Variants in AFAP1 observed in about 807,000 individuals in gnomAD.
AFAP1 encodes actin filament associated protein 1.
AFAP1 carries 75 observed loss-of-function variants against 93.9 expected under a neutral mutation model. That is an observed-to-expected ratio of 0.80 (90% CI 0.66 to 0.97). The LOEUF is 0.97. Ranked by LOEUF, AFAP1 falls within the 50% of genes least tolerant of loss-of-function variation. The pLI is 0.00. For synonymous variants in AFAP1, 517 were observed against 430.7 expected (o/e 1.20, Z -2.48); for missense variants, 1,201 against 1,050.8 (o/e 1.14, Z -1.98).
At position 7,786,294 on chromosome 4, in the gene AFAP1, A is replaced by G. The variant is rs1208704120; in HGVS notation, c.1430T>C (p.Val477Ala). 6.2e-7 allele frequency: 1 copy of G among 1,614,084 alleles called. No homozygotes were observed. Among genetic ancestry groups the G allele is most frequent in the East Asian group, 2.2e-5 (1 of 44,884 alleles). Residue 477 changes from valine to alanine, a missense_variant, in exon 12 of 18, where the codon GTT becomes GCT. Val to Ala is a moderately conservative substitution (Grantham distance 64, BLOSUM62 0). Coordinates refer to ENST00000420658, the MANE Select transcript of AFAP1 (RefSeq NM_001134647.2). ...KQTFCFMNRRVISANPYLGGT... is the reference protein window; with the variant it reads ...KQTFCFMNRRAISANPYLGGT... ...CCCTAGATATGGGTTAGCAGATATA[A>G]CACGCCTGTTCATGAAACTGAAAGA...
chr4:7,900,989 T>C (rs563234260), intron 1 of AFAP1, among the ~76,000 whole-genome samples: 1 of 152,218 alleles, frequency 6.6e-6, no homozygotes. Flanking sequence ...AGGGAATCTG[T>C]TGCTTTCCAA....
intron 2 of AFAP1, among the ~76,000 whole-genome samples, chr4:7,869,450 TTCTTAAA>T (rs1716825537): frequency 1.3e-5 from 2 of 152,208 alleles, no homozygotes; most frequent in African/African-American, 2.4e-5. Context: ...ATTAAGTATC[TTCTTAAA>T]GTCAGATACT....
chr4:7,759,416 C>T lies in AFAP1; in HGVS notation c.*4349G>A, dbSNP rs879838440. The T allele has an allele frequency of 6.6e-6, 1 of 152,606 alleles. No homozygotes were observed. Among genetic ancestry groups the T allele is most frequent in the Non-Finnish European group, 1.5e-5 (1 of 68,036 alleles). The allele number at this position is 152,606 out of a possible 1,614,324, so 9.5% of individuals were successfully genotyped here. ...GCAGTTTCCCTTCTTTTACAGACGC[C>T]CTGCTATGGCTTGGGGACTCACGAA... On this transcript the variant is annotated 3_prime_UTR_variant, in exon 18 of 18. Coordinates refer to ENST00000420658, the MANE Select transcript of AFAP1 (RefSeq NM_001134647.2).
intron 2 of AFAP1, among the ~76,000 whole-genome samples, chr4:7,870,060 G>A (rs1467778220): frequency 7.9e-5 from 12 of 152,172 alleles, no homozygotes; most frequent in Non-Finnish European, 1.3e-4. Flanking sequence ...ATCAGGCACT[G>A]TTTTGAAATA....
intron 3 of AFAP1, among the ~76,000 whole-genome samples, chr4:7,864,833 C>A (rs1184344640): frequency 6.6e-6 from 1 of 152,170 alleles, no homozygotes; most frequent in Non-Finnish European, 1.5e-5. Context: ...ACAAACTAGG[C>A]AGGGCACAGT....
chr4:7,933,065 C>T (rs1273866814), intron 1 of AFAP1, among the ~76,000 whole-genome samples: 2 of 144,780 alleles, frequency 1.4e-5, no homozygotes, highest in Admixed American at 6.9e-5. Flanking sequence ...ACGTTCCTGA[C>T]GATTTGCAAA....
At chr4:7,935,707 A>T (rs1252884739) in intron 1 of AFAP1, among the ~76,000 whole-genome samples, 1 of 152,116 alleles carries the variant, frequency 6.6e-6, no homozygotes, top group East Asian at 1.9e-4. Flanking sequence ...AATCTCTAGG[A>T]TACAATACCA....
intron 1 of AFAP1, among the ~76,000 whole-genome samples, chr4:7,929,153 A>G (rs530994592): frequency 5.4e-4 from 83 of 152,296 alleles, no homozygotes; most frequent in Admixed American, 8.5e-4. Context: ...TTTGCAGATG[A>G]AATGTCTCCT....
At chr4:7,929,348 T>G (rs1350492276) in intron 1 of AFAP1, among the ~76,000 whole-genome samples, 3 of 152,120 alleles carry the variant, frequency 2.0e-5, no homozygotes, top group Admixed American at 2.0e-4. Context: ...CACACAGAAT[T>G]TGCAGAACAT....
chr4:7,925,573 G>A (rs557398281), intron 1 of AFAP1, among the ~76,000 whole-genome samples: 41 of 151,488 alleles, frequency 2.7e-4, no homozygotes, highest in Admixed American at 5.9e-4. Context: ...TTAGCTAGGC[G>A]TGGTGGCTCA....
chr4:7,907,231 A>T (rs553483005), intron 1 of AFAP1, among the ~76,000 whole-genome samples: 2 of 152,224 alleles, frequency 1.3e-5, no homozygotes, highest in African/African-American at 4.8e-5. Flanking sequence ...ACAGAGGAAA[A>T]TTTATAGGAC....
chr4:7,770,285 C>T (rs1041624672), intron 16 of AFAP1, among the ~76,000 whole-genome samples: 3 of 152,118 alleles, frequency 2.0e-5, no homozygotes, highest in African/African-American at 7.2e-5. Context: ...AAGCTCGAGC[C>T]ATGGGGGTGG....
intron 10 of AFAP1, 107 bp downstream of exon 10, chr4:7,800,335 T>A: frequency 1.7e-6 from 2 of 1,177,698 alleles, no homozygotes; most frequent in Non-Finnish European, 1.2e-6. Flanking sequence ...AGAGGTACTG[T>A]CAGCGAGATG....
At chr4:7,903,948 C>CT (rs34795279) in intron 1 of AFAP1, among the ~76,000 whole-genome samples, 13,099 of 141,520 alleles carry the variant, frequency 0.093, 699 homozygotes, top group African/African-American at 0.15. Context: ...GGTTTAATGT[C>CT]TTTTTTTTTT....
intron 17 of AFAP1, among the ~76,000 whole-genome samples, chr4:7,766,556 G>A (rs1477876320): frequency 8.3e-6 from 1 of 119,924 alleles, no homozygotes; most frequent in Non-Finnish European, 1.7e-5. Flanking sequence ...AGGTGACTGT[G>A]TCACGGGAGG....
intron 1 of AFAP1, among the ~76,000 whole-genome samples, chr4:7,937,953 TGCACAAAC>T (rs1188297529): frequency 6.6e-6 from 1 of 152,228 alleles, no homozygotes; most frequent in East Asian, 1.9e-4. Flanking sequence ...TTTACCCGCA[TGCACAAAC>T]TGCGCCTGCC....
intron 1 of AFAP1, among the ~76,000 whole-genome samples, chr4:7,875,631 T>C (rs1184259818): frequency 9.1e-6 from 1 of 110,140 alleles, no homozygotes; most frequent in Admixed American, 9.7e-5. Context: ...AAAAAAAAAA[T>C]GGAGGTGGGG....
chr4:7,921,680 T>A lies in AFAP1; in HGVS notation c.-3+17976A>T, dbSNP rs114373484. On this transcript the variant is annotated intron_variant, in intron 1 of 17. Transcript: ENST00000420658. ...GATCCTACAATTCCATTTCTAGCAA[T>A]GCATCCTATGCACATATTCACGCAA... Among the ~76,000 whole-genome samples the A allele has an allele frequency of 5.0e-3, 761 of 152,370 alleles. 5 individuals carry two copies. The highest frequency in any genetic ancestry group is 0.016 in the African/African-American group (661 of 41,588).
chr4:7,906,504 G>C (rs1027387907), intron 1 of AFAP1, among the ~76,000 whole-genome samples: 54 of 152,122 alleles, frequency 3.5e-4, no homozygotes, highest in Non-Finnish European at 1.5e-4. Context: ...AATGTATTTG[G>C]GCAACCGCAG....
Sources: gnomAD v4.1 joint callset for allele counts (sites outside exome capture counted in the v4.1 genomes callset) on GRCh38, gnomAD v4.1.1 for gene constraint, MANE v1.5 for transcripts, NCBI Gene and HGNC (gene_info 2026-07-23, HGNC 2026-07-21) for gene names.